Variants in LCOR observed in about 807,000 individuals in gnomAD.
The protein encoded by LCOR is ligand dependent nuclear receptor corepressor, also known as ligand-dependent corepressor.
In LCOR, 14 loss-of-function variants were observed where a neutral mutation model predicts 64.4. The ratio of observed to expected loss-of-function variants is 0.22; its 90% CI spans 0.14 to 0.34. The LOEUF is 0.34. LCOR is among the 10% of genes least tolerant of loss of function. The pLI, the probability that LCOR is intolerant of heterozygous loss-of-function variation, is 1.00. For missense variants in LCOR, 1,686 were observed against 1,765.3 expected (o/e 0.96, Z 0.80); for synonymous variants, 643 against 642.5 (o/e 1.00, Z -0.01).
At chr10:96,958,247 T>C in intron 7 of LCOR, 1 of 1,326,762 alleles carries the variant, frequency 7.5e-7, no homozygotes, top group Non-Finnish European at 9.6e-7. Flanking sequence ...ATTAAAAATC[T>C]GGCCCTAAAA....
chr10:96,916,592 T>C (rs939198154), intron 4 of LCOR, among the ~76,000 whole-genome samples: 2 of 148,630 alleles, frequency 1.3e-5, no homozygotes, highest in Admixed American at 1.3e-4. Context: ...AAAGGCTATA[T>C]ATATATATAT....
chr10:96,933,404 T>G (rs1459973276), intron 4 of LCOR, among the ~76,000 whole-genome samples: 2 of 152,226 alleles, frequency 1.3e-5, no homozygotes, highest in Non-Finnish European at 2.9e-5. Flanking sequence ...TTATAAATTT[T>G]TATTGATAAA....
intron 2 of LCOR, among the ~76,000 whole-genome samples, chr10:96,879,416 A>G (rs1272672260): frequency 6.6e-6 from 1 of 152,206 alleles, no homozygotes; most frequent in Non-Finnish European, 1.5e-5. Flanking sequence ...TGAGGATTCA[A>G]GCAAAAGCCA....
intron 4 of LCOR, among the ~76,000 whole-genome samples, chr10:96,933,937 T>C (rs1294664648): frequency 6.6e-6 from 1 of 152,230 alleles, no homozygotes; most frequent in African/African-American, 2.4e-5. Flanking sequence ...CTCAACAATT[T>C]ACAGCTGTCT....
At chr10:96,889,852 C>G (rs1343377216) in intron 2 of LCOR, among the ~76,000 whole-genome samples, 1 of 152,152 alleles carries the variant, frequency 6.6e-6, no homozygotes, top group Non-Finnish European at 1.5e-5. Context: ...TGCTGCTGTT[C>G]AATACTGCTG....
intron 5 of LCOR, among the ~76,000 whole-genome samples, chr10:96,948,182 A>G (rs920345215): frequency 1.3e-5 from 2 of 152,194 alleles, no homozygotes; most frequent in Non-Finnish European, 2.9e-5. Context: ...TAAACTTAAC[A>G]TTGACTAGAA....
At chr10:96,972,714 C>T (rs915036026) in intron 7 of LCOR, among the ~76,000 whole-genome samples, 3 of 152,050 alleles carry the variant, frequency 2.0e-5, no homozygotes, top group African/African-American at 7.2e-5. Context: ...CTACTCTGTC[C>T]CTTATCTAGG....
At chr10:96,922,290 G>T (rs1197202836) in intron 4 of LCOR, among the ~76,000 whole-genome samples, 2 of 151,936 alleles carry the variant, frequency 1.3e-5, no homozygotes. Context: ...GCCACTGTGG[G>T]ATCAATAAAG....
intron 2 of LCOR, among the ~76,000 whole-genome samples, chr10:96,899,548 C>T (rs1846598448): frequency 6.6e-6 from 1 of 151,960 alleles, no homozygotes; most frequent in Non-Finnish European, 1.5e-5. Context: ...AAATACAGAT[C>T]TTATTCTGTA....
intron 2 of LCOR, among the ~76,000 whole-genome samples, chr10:96,854,952 C>T (rs1845778776): frequency 6.6e-6 from 1 of 151,986 alleles, no homozygotes; most frequent in Admixed American, 6.6e-5. Flanking sequence ...TTGTTTTAGC[C>T]CTCCCAGGAT....
chr10:96,850,628 G>A (rs1199580620), intron 2 of LCOR, among the ~76,000 whole-genome samples: 1 of 152,008 alleles, frequency 6.6e-6, no homozygotes, highest in Non-Finnish European at 1.5e-5. Flanking sequence ...GGGACTACAG[G>A]TACATGCCAC....
In LCOR at chr10:96,955,441, G is replaced by A; in HGVS notation, c.332+3245G>A. On this transcript the variant is annotated intron_variant, in intron 7 of 7. Coordinates refer to ENST00000421806, the MANE Select transcript of LCOR (RefSeq NM_001346516.2). The stretch of plus-strand genomic sequence containing the variant: ...GAGTCTCGCACTGGTGATCAGTACA[G>A]CTATAGCTCTTTGGTAATGGGTTCA... 1 of 1,614,178 alleles carries A rather than the reference G, an allele frequency of 6.2e-7. No individual in the cohort carries two copies. Among genetic ancestry groups the A allele is most frequent in the South Asian group, 1.1e-5 (1 of 91,086 alleles).
At chr10:96,933,055 T>C (rs921667961) in intron 4 of LCOR, among the ~76,000 whole-genome samples, 1 of 152,228 alleles carries the variant, frequency 6.6e-6, no homozygotes, top group African/African-American at 2.4e-5. Context: ...GATAAGTGTT[T>C]TTGAAGAATA....
At chr10:96,968,497 A>C (rs1488995178) in intron 7 of LCOR, among the ~76,000 whole-genome samples, 4 of 152,222 alleles carry the variant, frequency 2.6e-5, no homozygotes, top group Non-Finnish European at 5.9e-5. Flanking sequence ...AGCCATAAAA[A>C]TATTGAAAGC....
intron 2 of LCOR, among the ~76,000 whole-genome samples, chr10:96,891,509 G>A (rs1589635733): frequency 1.1e-5 from 1 of 91,000 alleles, no homozygotes; most frequent in African/African-American, 3.9e-5. Context: ...TTTTGAGACA[G>A]GGTCTTACTC....
At chr10:96,942,469 G>GAGAGGA (rs975432290) in intron 4 of LCOR, among the ~76,000 whole-genome samples, 5 of 151,860 alleles carry the variant, frequency 3.3e-5, no homozygotes, top group African/African-American at 1.2e-4. Context: ...GAGGGAGAGG[G>GAGAGGA]AGAGGGAGCG....
rs562893149 is a variant in LCOR at position 96,988,627 on chromosome 10, T to C, written c.*3493T>C. ...TTTGTAATGGGTTCGGTCATGAGGG[T>C]GGGAGCTGTCATTCACATTTATGGG... On this transcript the variant is annotated 3_prime_UTR_variant, in exon 8 of 8. Transcript: ENST00000421806. 1.3e-5 allele frequency: 2 copies of C among 152,314 alleles called. No individual in the cohort carries two copies. The highest frequency in any genetic ancestry group is 1.9e-4 in the East Asian group (1 of 5,188). The allele number at this position is 152,314 out of a possible 1,614,324, so 9.4% of individuals were successfully genotyped here.
In LCOR at chr10:96,981,732, A is replaced by G; in HGVS notation, c.1272A>G (p.Leu424=). The G allele has an allele frequency of 1.9e-6, 3 of 1,614,246 alleles. No homozygotes were observed. Among genetic ancestry groups the G allele is most frequent in the Non-Finnish European group, 8.5e-7 (1 of 1,180,044 alleles). Residue 424 remains leucine (L), a synonymous_variant, in exon 8 of 8, where the codon TTA becomes TTG. Transcript: ENST00000421806. The part of the protein sequence containing the change: ...GQFDHSKDGW[L]GPGPMPAVHK... Reference sequence around the variant, plus strand: ...TTGATCATTCCAAAGATGGTTGGTTAGGCCCCGGCCCTATGCCAGCTGTAC... The same window carrying G: ...TTGATCATTCCAAAGATGGTTGGTTGGGCCCCGGCCCTATGCCAGCTGTAC...
chr10:96,977,285 A>G (rs1848046983), intron 7 of LCOR, among the ~76,000 whole-genome samples: 1 of 152,236 alleles, frequency 6.6e-6, no homozygotes, highest in Non-Finnish European at 1.5e-5. Context: ...CTAAAGGTAG[A>G]AGTAGGACTG....
Sources: gnomAD v4.1 joint callset for allele counts (sites outside exome capture counted in the v4.1 genomes callset) on GRCh38, gnomAD v4.1.1 for gene constraint, MANE v1.5 for transcripts, NCBI Gene and HGNC (gene_info 2026-07-23, HGNC 2026-07-21) for gene names.